RALGAPA2: variants seen among roughly 807,000 people sequenced by gnomAD.
The protein encoded by RALGAPA2 is ral GTPase-activating protein subunit alpha-2.
In RALGAPA2, 139 loss-of-function variants were observed where a neutral mutation model predicts 230.4. The observed-to-expected ratio is 0.60, with a 90% CI of 0.53 to 0.69. RALGAPA2 has a LOEUF of 0.69. Among genes scored for constraint, RALGAPA2 ranks in the 30% least tolerant of loss-of-function variants. The pLI, the probability that RALGAPA2 is intolerant of heterozygous loss-of-function variation, is 0.00. For synonymous variants in RALGAPA2, 847 were observed against 837.8 expected (o/e 1.01, Z -0.19); for missense variants, 2,163 against 2,276.0 (o/e 0.95, Z 1.01).
chr20:20,512,757 A>T lies in RALGAPA2; in HGVS notation c.4612T>A (p.Ser1538Thr). 1 of 1,613,862 alleles carries T rather than the reference A, an allele frequency of 6.2e-7. No homozygotes were observed. Among genetic ancestry groups the T allele is most frequent in the African/African-American group, 1.3e-5 (1 of 75,024 alleles). Residue 1538 changes from serine (S) to threonine (T), a missense_variant, in exon 32 of 40, where the codon TCA becomes ACA. Physicochemically the swap from Ser to Thr is moderately conservative, Grantham distance 58 (BLOSUM62 1). Transcript: ENST00000202677. Reference protein sequence around the residue: ...GHTSPECLLPSQLNLNEPSLT... With the variant: ...GHTSPECLLPTQLNLNEPSLT... ...GAAGGTTCATTTAGATTTAGCTGTG[A>T]CGGTAAAAGGCATTCAGGACTTGTA... is the stretch of plus-strand genomic sequence containing the variant.
intron 35 of RALGAPA2, among the ~76,000 whole-genome samples, chr20:20,497,356 T>C (rs952475733): frequency 6.6e-6 from 1 of 152,142 alleles, no homozygotes. Flanking sequence ...AGTATCTAAC[T>C]GGAACTGTAG....
intron 1 of RALGAPA2, among the ~76,000 whole-genome samples, chr20:20,698,472 C>G (rs1302509820): frequency 6.6e-6 from 1 of 152,162 alleles, no homozygotes; most frequent in Admixed American, 6.5e-5. Flanking sequence ...TCACTGCAAC[C>G]TCCATATCCC....
At chr20:20,525,259 A>G (rs1195915554) in intron 28 of RALGAPA2, among the ~76,000 whole-genome samples, 1 of 152,238 alleles carries the variant, frequency 6.6e-6, no homozygotes, top group Non-Finnish European at 1.5e-5. Context: ...GTTTTATTGT[A>G]AATTACCCTA....
At position 20,424,684 on chromosome 20, in the gene RALGAPA2, A is replaced by G. The variant is rs539744418; in HGVS notation, c.5496-12536T>C. ...CAAAACGGAAAATAATTAGAAATGC[A>G]GAACTGACCTAATGTTAAATGATGA... On this transcript the variant is annotated intron_variant, in intron 37 of 39. Coordinates refer to ENST00000202677, the MANE Select transcript of RALGAPA2 (RefSeq NM_020343.4). Among the ~76,000 whole-genome samples, 29 of 152,358 alleles carry G rather than the reference A, an allele frequency of 1.9e-4. No homozygotes were observed. The South Asian group carries it at 5.6e-3, about 29-fold the overall frequency.
rs1416012522 is a variant in RALGAPA2 at position 20,611,332 on chromosome 20, C to A, written c.1783G>T (p.Ala595Ser). The stretch of plus-strand genomic sequence containing the variant: ...AGACTTACCCTAAATAGTAACCCTG[C>A]CAAGCTCTGGGCAAACAAGTCCTTT... The part of the protein sequence containing the change: ...QIKDLFAQSL[A>S]GLLFRTLMVA... Residue 595 changes from alanine (A) to serine (S), a missense_variant, in exon 14 of 40, where the codon GCA becomes TCA. Transcript: ENST00000202677. The A allele has an allele frequency of 1.2e-6, 2 of 1,612,222 alleles. No individual in the cohort carries two copies. Among genetic ancestry groups the A allele is most frequent in the Admixed American group, 3.3e-5 (2 of 59,988 alleles).
At chr20:20,508,559 G>A (rs1401679299) in intron 33 of RALGAPA2, among the ~76,000 whole-genome samples, 1 of 152,204 alleles carries the variant, frequency 6.6e-6, no homozygotes, top group Non-Finnish European at 1.5e-5. Context: ...TCATAGCACT[G>A]ACAATCTAGA....
At position 20,611,364 on chromosome 20, in the gene RALGAPA2, T is replaced by G; in HGVS notation, c.1751A>C (p.Lys584Thr). The change falls in exon 14 of 40, where the codon AAA becomes ACA. Residue 584 changes from lysine (K) to threonine (T), a missense_variant. Physicochemically the swap from Lys to Thr is moderately conservative, Grantham distance 78. Coordinates refer to ENST00000202677, the MANE Select transcript of RALGAPA2 (RefSeq NM_020343.4). The stretch of plus-strand genomic sequence containing the variant: ...CTGGGCAAACAAGTCCTTTATTTGT[T>G]TATCCTTTGGCTTCTGCATGACAGC... ...TEAVMQKPKD[K>T]QIKDLFAQSL... 1 of 1,613,672 alleles carries G rather than the reference T, an allele frequency of 6.2e-7. No homozygotes were observed. The highest frequency in any genetic ancestry group is 8.5e-7 in the Non-Finnish European group (1 of 1,179,684).
chr20:20,432,616 T>C (rs1452894776), intron 37 of RALGAPA2, among the ~76,000 whole-genome samples: 1 of 152,174 alleles, frequency 6.6e-6, no homozygotes, highest in Non-Finnish European at 1.5e-5. Context: ...TAATGATTCT[T>C]TGAGAGAGAC....
intron 15 of RALGAPA2, among the ~76,000 whole-genome samples, chr20:20,602,223 A>T (rs2065676107): frequency 1.3e-5 from 2 of 152,184 alleles, no homozygotes; most frequent in African/African-American, 4.8e-5. Flanking sequence ...AAACTCAGAG[A>T]TCCTGATGTT....
At chr20:20,397,639 C>T (rs1023165193) in intron 38 of RALGAPA2, among the ~76,000 whole-genome samples, 3 of 152,174 alleles carry the variant, frequency 2.0e-5, no homozygotes, top group South Asian at 2.1e-4. Flanking sequence ...CAGTTGTAAA[C>T]GTGGATTTTC....
At chr20:20,420,086 G>T (rs1241578701) in intron 37 of RALGAPA2, among the ~76,000 whole-genome samples, 1 of 152,220 alleles carries the variant, frequency 6.6e-6, no homozygotes, top group Non-Finnish European at 1.5e-5. Context: ...AAGCAGGGAT[G>T]AAGTGGGGTA....
chr20:20,396,488 C>T (rs1278354496), intron 39 of RALGAPA2, among the ~76,000 whole-genome samples: 6 of 152,344 alleles, frequency 3.9e-5, no homozygotes, highest in East Asian at 1.9e-4. Context: ...CCCGAGTGCA[C>T]GGGCAGAAGA....
intron 37 of RALGAPA2, among the ~76,000 whole-genome samples, chr20:20,455,677 G>A (rs1266738738): frequency 1.3e-5 from 2 of 152,154 alleles, no homozygotes; most frequent in Admixed American, 6.5e-5. Flanking sequence ...AGAGCCATCA[G>A]GCCGGCTCTT....
At chr20:20,518,290 C>T (rs140938748) in intron 31 of RALGAPA2, among the ~76,000 whole-genome samples, 2,211 of 152,260 alleles carry the variant, frequency 0.015, 63 homozygotes, top group African/African-American at 0.051. Context: ...CTCCTGACCT[C>T]GTGATCCACC....
At chr20:20,710,848 G>A (rs962450712) in intron 1 of RALGAPA2, among the ~76,000 whole-genome samples, 1 of 152,142 alleles carries the variant, frequency 6.6e-6, no homozygotes, top group African/African-American at 2.4e-5. Context: ...CACAGAAAAA[G>A]GCTCAAAGTA....
chr20:20,404,901 C>T (rs750992735), intron 38 of RALGAPA2, among the ~76,000 whole-genome samples: 3 of 152,166 alleles, frequency 2.0e-5, no homozygotes, highest in Non-Finnish European at 4.4e-5. Context: ...GATCTCAGGC[C>T]GCTTCTTATT....
At chr20:20,462,571 G>A (rs2061327682) in intron 37 of RALGAPA2, among the ~76,000 whole-genome samples, 2 of 152,160 alleles carry the variant, frequency 1.3e-5, no homozygotes, top group Non-Finnish European at 1.5e-5. Flanking sequence ...CCCTTTTAGA[G>A]TGTGGTAAAA....
intron 36 of RALGAPA2, among the ~76,000 whole-genome samples, chr20:20,473,199 CTTCGTTTT>C (rs1417873218): frequency 1.3e-5 from 2 of 152,166 alleles, no homozygotes; most frequent in Admixed American, 1.3e-4. Context: ...TTACCAGGTT[CTTCGTTTT>C]TTCTCTTCTG....
At chr20:20,551,735 G>A (rs2063930778) in intron 23 of RALGAPA2, among the ~76,000 whole-genome samples, 1 of 152,198 alleles carries the variant, frequency 6.6e-6, no homozygotes, top group African/African-American at 2.4e-5. Context: ...AACATATGGT[G>A]ATGGCAACAG....
Sources: allele counts gnomAD v4.1 joint callset (sites outside exome capture counted in the v4.1 genomes callset), GRCh38; gene constraint gnomAD v4.1.1; transcripts MANE v1.5; gene names NCBI Gene and HGNC (gene_info 2026-07-23, HGNC 2026-07-21).